Variants in UST observed in about 807,000 individuals in gnomAD.
UST encodes the protein uronyl 2-sulfotransferase.
In UST, 21 loss-of-function variants were observed where a neutral mutation model predicts 45.6. That is an observed-to-expected ratio of 0.46 (90% CI 0.33 to 0.66). UST has a LOEUF of 0.66. Ranked by LOEUF, UST falls within the 30% of genes least tolerant of loss-of-function variation. The probability of loss-of-function intolerance (pLI) is 0.02; values close to 1 mark genes in which losing one functional copy is unlikely to be tolerated. For synonymous variants in UST, 215 were observed against 200.6 expected, an observed-to-expected ratio of 1.07 and a Z score of -0.61; for missense variants, 463 against 512.4, an observed-to-expected ratio of 0.90 and a Z score of 0.93.
chr6:148,753,542 T>G (rs1776031805), intron 1 of UST, among the ~76,000 whole-genome samples: 1 of 152,224 alleles, frequency 6.6e-6, no homozygotes, highest in African/African-American at 2.4e-5. Context: ...TAAGACTGTA[T>G]GGATATTCCA....
chr6:149,015,672 G>GA (rs1775886632), intron 5 of UST, among the ~76,000 whole-genome samples: 1 of 152,044 alleles, frequency 6.6e-6, no homozygotes. Context: ...TACATGGAAG[G>GA]AAAAAATGAA....
At chr6:148,815,056 C>A (rs570667067) in intron 1 of UST, among the ~76,000 whole-genome samples, 1 of 151,822 alleles carries the variant, frequency 6.6e-6, no homozygotes, top group Non-Finnish European at 1.5e-5. Flanking sequence ...TTAAAAAAAC[C>A]GTGGTATATC....
At chr6:148,808,329 T>C (rs1243079750) in intron 1 of UST, among the ~76,000 whole-genome samples, 4 of 152,120 alleles carry the variant, frequency 2.6e-5, no homozygotes, top group African/African-American at 9.7e-5. Flanking sequence ...CATAGGCGAA[T>C]GTTTTCCTTC....
chr6:149,068,241 C>T (rs1776770544), intron 7 of UST, among the ~76,000 whole-genome samples: 1 of 152,162 alleles, frequency 6.6e-6, no homozygotes, highest in Admixed American at 6.5e-5. Context: ...GCCCTCTCAC[C>T]TGTCCACACC....
At chr6:148,852,714 A>G (rs1051017504) in intron 1 of UST, among the ~76,000 whole-genome samples, 1 of 151,852 alleles carries the variant, frequency 6.6e-6, no homozygotes, top group Non-Finnish European at 1.5e-5. Flanking sequence ...TATCTTTTTT[A>G]TTGAAGCTCA....
chr6:148,916,687 C>T (rs1056259426), intron 2 of UST, among the ~76,000 whole-genome samples: 1 of 152,176 alleles, frequency 6.6e-6, no homozygotes, highest in Non-Finnish European at 1.5e-5. Flanking sequence ...TGGGAGATGC[C>T]TCAGCCCTAC....
chr6:148,950,285 C>T (rs1358695997), intron 3 of UST, among the ~76,000 whole-genome samples: 2 of 152,196 alleles, frequency 1.3e-5, no homozygotes, highest in East Asian at 3.8e-4. Flanking sequence ...TGCTGCAGGT[C>T]TGGGGACCAC....
At chr6:149,021,226 G>A in intron 6 of UST, 98 bp from the exon 7 acceptor site, 1 of 1,324,138 alleles carries the variant, frequency 7.6e-7, no homozygotes, top group Non-Finnish European at 1.0e-6. Context: ...TTGGACTTAT[G>A]CAAGTGAAGG....
chr6:148,964,037 T>C (rs1408789168), intron 4 of UST, among the ~76,000 whole-genome samples: 3 of 152,212 alleles, frequency 2.0e-5, no homozygotes, highest in Non-Finnish European at 4.4e-5. Flanking sequence ...CTGTGGGTTC[T>C]GTTCTAGCCA....
At chr6:148,973,970 T>G (rs1028024808) in intron 5 of UST, among the ~76,000 whole-genome samples, 1 of 152,208 alleles carries the variant, frequency 6.6e-6, no homozygotes, top group Non-Finnish European at 1.5e-5. Flanking sequence ...AATACTTGCT[T>G]CACTCAGGCT....
chr6:148,767,580 T>A (rs886977198), intron 1 of UST, among the ~76,000 whole-genome samples: 2 of 146,388 alleles, frequency 1.4e-5, no homozygotes, highest in African/African-American at 5.2e-5. Context: ...ATACAAATAT[T>A]CTAGGTAAAG....
At chr6:148,831,694 C>T (rs1842935) in intron 1 of UST, among the ~76,000 whole-genome samples, 1 of 152,058 alleles carries the variant, frequency 6.6e-6, no homozygotes, top group Admixed American at 6.6e-5. Context: ...ACTCGGCAGG[C>T]TGAGGCAAGA....
chr6:148,757,115 A>G (rs1427539374), intron 1 of UST, among the ~76,000 whole-genome samples: 2 of 152,208 alleles, frequency 1.3e-5, no homozygotes, highest in African/African-American at 2.4e-5. Flanking sequence ...CTCCCACCTC[A>G]GCTTCTTGAG....
At chr6:148,885,995 A>T (rs1778905600) in intron 1 of UST, among the ~76,000 whole-genome samples, 1 of 152,218 alleles carries the variant, frequency 6.6e-6, no homozygotes, top group Admixed American at 6.5e-5. Flanking sequence ...TAGACTCACA[A>T]GAGTTACCCC....
intron 1 of UST, among the ~76,000 whole-genome samples, chr6:148,830,299 T>G (rs566401011): frequency 3.2e-4 from 48 of 152,370 alleles, no homozygotes; most frequent in Non-Finnish European, 6.5e-4. Context: ...TCAAAAACTG[T>G]ATTTTCTATT....
At chr6:148,880,167 C>T (rs1487423357) in intron 1 of UST, among the ~76,000 whole-genome samples, 1 of 151,946 alleles carries the variant, frequency 6.6e-6, no homozygotes, top group African/African-American at 2.4e-5. Context: ...GTTGGCCAGG[C>T]TAGTGTCAAA....
chr6:149,058,369 G>A (rs1776600486), intron 7 of UST, among the ~76,000 whole-genome samples: 1 of 150,568 alleles, frequency 6.6e-6, no homozygotes, highest in African/African-American at 2.5e-5. Flanking sequence ...GTGTGTGTGT[G>A]TGTGTGTGTG....
At chr6:149,052,302 A>T (rs1472033133) in intron 7 of UST, among the ~76,000 whole-genome samples, 3 of 152,238 alleles carry the variant, frequency 2.0e-5, no homozygotes, top group Non-Finnish European at 4.4e-5. Flanking sequence ...TGAGGATAAC[A>T]GTCATAATAT....
intron 1 of UST, among the ~76,000 whole-genome samples, chr6:148,806,653 A>C (rs1300517154): frequency 6.6e-6 from 1 of 152,088 alleles, no homozygotes; most frequent in Non-Finnish European, 1.5e-5. Context: ...ATGCCTTTCA[A>C]ATTCATTTTT....
Sources: gnomAD v4.1 joint callset for allele counts (sites outside exome capture counted in the v4.1 genomes callset) on GRCh38, gnomAD v4.1.1 for gene constraint, MANE v1.5 for transcripts, NCBI Gene and HGNC (gene_info 2026-07-23, HGNC 2026-07-21) for gene names.